Variants in CHID1 observed in about 807,000 individuals in gnomAD.
The protein encoded by CHID1 is chitinase domain-containing protein 1.
A neutral mutation model predicts 55.4 loss-of-function variants in CHID1; 44 were observed. The observed-to-expected ratio is 0.79, with a 90% CI of 0.62 to 1.02. The LOEUF (loss-of-function observed/expected upper bound fraction) is 1.02. Among genes scored for constraint, CHID1 ranks in the 50% least tolerant of loss-of-function variants. The pLI is 0.00. For missense variants in CHID1, 491 were observed against 515.3 expected, an observed-to-expected ratio of 0.95 and a Z score of 0.46; for synonymous variants, 216 against 212.9, an observed-to-expected ratio of 1.01 and a Z score of -0.13.
intron 10 of CHID1, among the ~76,000 whole-genome samples, chr11:871,307 G>T (rs1849161575): frequency 1.3e-5 from 2 of 152,138 alleles, no homozygotes; most frequent in African/African-American, 4.8e-5. Flanking sequence ...CCCTTTCAAA[G>T]ACTGAGTCTG....
upstream of CHID1, chr11:910,826 C>T (rs1190120599): frequency 2.7e-6 from 3 of 1,098,604 alleles, no homozygotes; most frequent in Non-Finnish European, 3.3e-6. Context: ...GAAAACGCTC[C>T]AGCGCGCCGG....
intron 8 of CHID1, among the ~76,000 whole-genome samples, chr11:888,203 T>G (rs1418490567): frequency 6.6e-6 from 1 of 152,180 alleles, no homozygotes; most frequent in African/African-American, 2.4e-5. Context: ...TCCTCACGCT[T>G]TCAAGGGTGG....
chr11:900,828 G>A (rs1479578035), intron 5 of CHID1, 108 bp downstream of exon 5: 14 of 905,386 alleles, frequency 1.5e-5, no homozygotes, highest in East Asian at 9.2e-5. Flanking sequence ...AACCTGTGCC[G>A]CAGCAGCACA....
intron 10 of CHID1, among the ~76,000 whole-genome samples, chr11:879,662 G>A (rs1849755943): frequency 6.6e-6 from 1 of 152,208 alleles, no homozygotes; most frequent in Non-Finnish European, 1.5e-5. Flanking sequence ...CCCCATCTAT[G>A]GTACTTTGTT....
intron 10 of CHID1, among the ~76,000 whole-genome samples, chr11:880,782 G>A (rs1849859150): frequency 1.3e-5 from 2 of 152,240 alleles, no homozygotes; most frequent in South Asian, 4.1e-4. Flanking sequence ...AACTCGTAAA[G>A]ACGACAGCCG....
At chr11:890,689 T>C (rs573483508) in intron 8 of CHID1, among the ~76,000 whole-genome samples, 20 of 152,290 alleles carry the variant, frequency 1.3e-4, no homozygotes, top group Non-Finnish European at 2.8e-4. Flanking sequence ...GGACAGCCTG[T>C]TGGTCCCACT....
rs1849583798 is a variant in CHID1, at chr11:877,315, A to T, written c.959+5833T>A. Among the ~76,000 whole-genome samples, 6 of 152,312 alleles carry T rather than the reference A, an allele frequency of 3.9e-5. No homozygotes were observed. The South Asian group carries it at 1.2e-3, about 32-fold the overall frequency. ...GACAGGGTCTTGCTCTGGAGCCCAGACTGGAGTGCAGTGCAGTCTCCACCT... is the reference window on the plus strand; with the variant it reads ...GACAGGGTCTTGCTCTGGAGCCCAGTCTGGAGTGCAGTGCAGTCTCCACCT... On this transcript the variant is annotated intron_variant, in intron 10 of 12. Transcript: ENST00000323578.
In CHID1 at chr11:869,724, G is replaced by T. The variant is rs370891764; in HGVS notation, c.*134C>A. 2.4e-5 allele frequency: 18 copies of T among 756,430 alleles called. No individual in the cohort carries two copies. The highest frequency in any genetic ancestry group is 1.8e-4 in the South Asian group (11 of 61,520). The allele number at this position is 756,430 out of a possible 1,614,324, so 46.9% of individuals were successfully genotyped here. ...TCATGGGAGGATGGGGAGTCACATGGTGCCCAGGACCCCCGACTGAGGACT... is the reference window on the plus strand; with the variant it reads ...TCATGGGAGGATGGGGAGTCACATGTTGCCCAGGACCCCCGACTGAGGACT... On this transcript the variant is annotated 3_prime_UTR_variant, in exon 13 of 13. Transcript: ENST00000323578.
intron 7 of CHID1, among the ~76,000 whole-genome samples, chr11:896,665 G>C (rs1444462779): frequency 1.1e-4 from 7 of 66,532 alleles, no homozygotes; most frequent in Admixed American, 8.8e-4. Flanking sequence ...ACTGTCTCAG[G>C]GCCCCCAGCC....
chr11:910,577 T>TCTCTCACCCTCGTC, intron 1 of CHID1, 198 bp downstream of exon 1: 1 of 1,135,544 alleles, frequency 8.8e-7, no homozygotes, highest in South Asian at 1.6e-5. Context: ...ATAGCAACCC[T>TCTCTCACCCTCGTC]CTCTCACCCT....
upstream of CHID1, among the ~76,000 whole-genome samples, chr11:912,827 G>A (rs1463237551): frequency 7.7e-6 from 1 of 129,842 alleles, no homozygotes; most frequent in African/African-American, 2.9e-5. Context: ...GACAGAGTGA[G>A]ACTCTGCCTC....
chr11:903,250 G>T, intron 2 of CHID1, 139 bp from the exon 3 acceptor site: 1 of 828,876 alleles, frequency 1.2e-6, no homozygotes, highest in Non-Finnish European at 1.9e-6. Flanking sequence ...CGGAGACCCT[G>T]TATGTTGAGG....
Position 899,702 on chromosome 11 carries a change from C to T in CHID1, c.547-301G>A, listed in dbSNP as rs189599641. On this transcript the variant is annotated intron_variant, in intron 6 of 12. Transcript: ENST00000323578. ...CCCGAGGCCCAGGCATACTGGCAGC[C>T]AGCAGGGCTGGGTCCCCTCCCAGGA... Among the ~76,000 whole-genome samples, 32 of 152,354 alleles carry T rather than the reference C, an allele frequency of 2.1e-4. No individual in the cohort carries two copies. The East Asian group carries it at 6.2e-3, about 29-fold the overall frequency.
At chr11:901,489 G>A (rs552273278) in intron 4 of CHID1, among the ~76,000 whole-genome samples, 53 of 152,346 alleles carry the variant, frequency 3.5e-4, no homozygotes, top group Non-Finnish European at 2.9e-4. Flanking sequence ...GCGCAGCCAC[G>A]TAAACTCGGG....
intron 8 of CHID1, among the ~76,000 whole-genome samples, chr11:889,112 C>T (rs138631161): frequency 9.7e-4 from 147 of 152,320 alleles, no homozygotes; most frequent in Middle Eastern, 6.8e-3. Context: ...CCTCCAGCCA[C>T]GTGGACCCCA....
At chr11:905,659 A>C (rs1178243353) in intron 1 of CHID1, among the ~76,000 whole-genome samples, 1 of 150,820 alleles carries the variant, frequency 6.6e-6, no homozygotes, top group Non-Finnish European at 1.5e-5. Context: ...ACAGAGCAAG[A>C]CTCCATCTCA....
At chr11:909,280 A>G (rs1331515656) in intron 1 of CHID1, among the ~76,000 whole-genome samples, 2 of 152,218 alleles carry the variant, frequency 1.3e-5, no homozygotes, top group Admixed American at 1.3e-4. Flanking sequence ...GTGTTCCTGC[A>G]TCAAACCGTT....
chr11:909,868 T>A (rs1852519531), intron 1 of CHID1, among the ~76,000 whole-genome samples: 1 of 152,098 alleles, frequency 6.6e-6, no homozygotes, highest in Admixed American at 6.5e-5. Context: ...AAGACCAGCC[T>A]GGCCAACGTG....
At chr11:912,534 C>G (rs1390928663), upstream of CHID1, among the ~76,000 whole-genome samples, 1 of 151,988 alleles carries the variant, frequency 6.6e-6, no homozygotes, top group Non-Finnish European at 1.5e-5. Context: ...CAATGGGCCC[C>G]GTGTACCTGC....
Sources: allele counts gnomAD v4.1 joint callset (sites outside exome capture counted in the v4.1 genomes callset), GRCh38; gene constraint gnomAD v4.1.1; transcripts MANE v1.5; gene names NCBI Gene and HGNC (gene_info 2026-07-23, HGNC 2026-07-21).